ATP8A1: variants seen among roughly 807,000 people sequenced by gnomAD.
The protein encoded by ATP8A1 is phospholipid-transporting ATPase IA.
ATP8A1 carries 90 observed loss-of-function variants against 177.7 expected under a neutral mutation model. That is an observed-to-expected ratio of 0.51 (90% CI 0.43 to 0.60). The LOEUF (loss-of-function observed/expected upper bound fraction) is 0.60, where lower values mean the gene tolerates loss of function less well. Among genes scored for constraint, ATP8A1 ranks in the 20% least tolerant of loss-of-function variants. The pLI is 0.00. For synonymous variants in ATP8A1, 493 were observed against 485.9 expected, an observed-to-expected ratio of 1.01 and a Z score of -0.19; for missense variants, 1,072 against 1,392.8, an observed-to-expected ratio of 0.77 and a Z score of 3.67.
At chr4:42,431,619 C>G (rs1322563940) in intron 33 of ATP8A1, among the ~76,000 whole-genome samples, 3 of 152,066 alleles carry the variant, frequency 2.0e-5, no homozygotes, top group Non-Finnish European at 4.4e-5. Context: ...GAGAAAACTC[C>G]AAAAGTGGCA....
At chr4:42,605,078 T>C (rs1001062479) in intron 5 of ATP8A1, among the ~76,000 whole-genome samples, 2 of 152,214 alleles carry the variant, frequency 1.3e-5, no homozygotes, top group African/African-American at 4.8e-5. Flanking sequence ...GAAAATGTTC[T>C]AGAATTAAGG....
chr4:42,601,753 G>A (rs2109402416), intron 5 of ATP8A1, among the ~76,000 whole-genome samples: 1 of 152,206 alleles, frequency 6.6e-6, no homozygotes, highest in East Asian at 1.9e-4. Flanking sequence ...TACTCAGTAA[G>A]TATTTGCAAA....
At position 42,432,516 on chromosome 4, in the gene ATP8A1, G is replaced by A. The variant is rs532967698; in HGVS notation, c.3124-8811C>T. ...TCCAGGCTGGTGAAATACCATGGTG[G>A]GACACTGCAGAGGTCATAAAGTTGT... On this transcript the variant is annotated intron_variant, in intron 33 of 36. Transcript: ENST00000381668. Among the ~76,000 whole-genome samples the A allele has an allele frequency of 9.9e-5, 15 of 152,232 alleles. No individual in the cohort carries two copies. The South Asian group carries it at 3.1e-3, about 32-fold the overall frequency.
At chr4:42,443,468 A>T in intron 33 of ATP8A1, 97 bp downstream of exon 33, 1 of 605,394 alleles carries the variant, frequency 1.7e-6, no homozygotes, top group Non-Finnish European at 3.0e-6. Flanking sequence ...TTTAATATAA[A>T]TCAACAAGAT....
In ATP8A1 at chr4:42,551,233, T is replaced by C; in HGVS notation, c.1567A>G (p.Thr523Ala). 1.2e-6 allele frequency: 2 copies of C among 1,613,924 alleles called. No homozygotes were observed. Among genetic ancestry groups the C allele is most frequent in the Non-Finnish European group, 1.7e-6 (2 of 1,179,912 alleles). Residue 523 changes from threonine (T) to alanine (A), a missense_variant, in exon 18 of 37, where the codon ACT becomes GCT. By Grantham distance (58) the Thr-to-Ala change is moderately conservative. Around this residue, in one of 5 missense-constraint regions of ATP8A1, gnomAD observed 388 missense variants for 471.7 expected, o/e 0.82. Coordinates refer to ENST00000381668, the MANE Select transcript of ATP8A1 (RefSeq NM_006095.2). ...ATCACCGAGTCGGGTGTTCTTCCAG[T>C]GAAAACAAAATTCAATTGCTTGGCT... The part of the protein sequence containing the change: ...RAAKQLNFVF[T>A]GRTPDSVIID...
chr4:42,423,572 A>C, intron 34 of ATP8A1, 45 bp downstream of exon 34: 1 of 1,323,150 alleles, frequency 7.6e-7, no homozygotes, highest in Non-Finnish European at 1.1e-6. Flanking sequence ...TCTGAGGATG[A>C]ATATGCATCT....
intron 35 of ATP8A1, among the ~76,000 whole-genome samples, chr4:42,421,811 GAAAA>G (rs998230706): frequency 6.6e-6 from 1 of 151,354 alleles, no homozygotes; most frequent in Non-Finnish European, 1.5e-5. Context: ...TAAAAATGAA[GAAAA>G]AAAATAAATT....
At chr4:42,577,473 G>A (rs1321115644) in intron 12 of ATP8A1, among the ~76,000 whole-genome samples, 1 of 151,994 alleles carries the variant, frequency 6.6e-6, no homozygotes, top group Non-Finnish European at 1.5e-5. Flanking sequence ...CCCTAATATT[G>A]TTCATATTGA....
chr4:42,539,397 C>CG (rs1465949548), intron 20 of ATP8A1, among the ~76,000 whole-genome samples: 8 of 76,884 alleles, frequency 1.0e-4, no homozygotes, highest in South Asian at 5.3e-4. Context: ...AATAAAATAC[C>CG]CCCCCCCCAA....
chr4:42,550,725 T>C (rs1364181999), intron 18 of ATP8A1, among the ~76,000 whole-genome samples: 1 of 152,180 alleles, frequency 6.6e-6, no homozygotes, highest in Non-Finnish European at 1.5e-5. Context: ...TGGGTAGGTA[T>C]GTAGTGCCAT....
intron 20 of ATP8A1, among the ~76,000 whole-genome samples, chr4:42,528,057 T>A (rs1726876663): frequency 6.6e-6 from 1 of 152,130 alleles, no homozygotes; most frequent in African/African-American, 2.4e-5. Context: ...GGACCCAAAA[T>A]GTCATTGTGG....
intron 20 of ATP8A1, among the ~76,000 whole-genome samples, chr4:42,541,165 A>C (rs1461181056): frequency 1.3e-5 from 2 of 152,236 alleles, no homozygotes; most frequent in Non-Finnish European, 2.9e-5. Context: ...AATTAAAAAA[A>C]TAAAAAAGTA....
intron 5 of ATP8A1, among the ~76,000 whole-genome samples, chr4:42,602,971 G>C (rs962836833): frequency 7.2e-5 from 11 of 151,902 alleles, no homozygotes; most frequent in African/African-American, 2.7e-4. Context: ...GGAAAAACTG[G>C]TCAATAGTGT....
chr4:42,506,848 G>GTTA (rs1724413178), intron 23 of ATP8A1, among the ~76,000 whole-genome samples, 168 bp downstream of exon 23: 1 of 152,158 alleles, frequency 6.6e-6, no homozygotes, highest in Non-Finnish European at 1.5e-5. Flanking sequence ...TTATCCACAT[G>GTTA]TGCCACTTAT....
At chr4:42,555,501 G>C (rs370085671) in intron 16 of ATP8A1, among the ~76,000 whole-genome samples, 1 of 152,018 alleles carries the variant, frequency 6.6e-6, no homozygotes, top group South Asian at 2.1e-4. Context: ...CAAGTAAAAA[G>C]GATTTGGCAT....
At chr4:42,416,601 A>C (rs1713269572) in intron 35 of ATP8A1, among the ~76,000 whole-genome samples, 1 of 152,186 alleles carries the variant, frequency 6.6e-6, no homozygotes, top group South Asian at 2.1e-4. Flanking sequence ...AGAAAGAAGC[A>C]CATTACTCAG....
Position 42,574,164 on chromosome 4 carries a change from A to G in ATP8A1, c.1295+455T>C, listed in dbSNP as rs73237905. On this transcript the variant is annotated intron_variant, in intron 14 of 36. Transcript: ENST00000381668. ...AGTTTCATGTCTCTACCTCCTTTCC[A>G]TCATCAGAATTTTAGATTGCTCTAT... Among the ~76,000 whole-genome samples the G allele has an allele frequency of 5.6e-3, 860 of 152,250 alleles. 6 individuals carry two copies. The highest frequency in any genetic ancestry group is 0.017 in the Middle Eastern group (5 of 294).
intron 25 of ATP8A1, among the ~76,000 whole-genome samples, chr4:42,482,031 G>A (rs148377398): frequency 2.9e-4 from 44 of 152,252 alleles, no homozygotes; most frequent in African/African-American, 1.0e-3. Context: ...GGCCAGGTGC[G>A]GTGGCTCATG....
rs374208950 is a variant in ATP8A1 at position 42,656,782 on chromosome 4, C to T, written c.49+43G>A. The T allele has an allele frequency of 4.0e-5, 61 of 1,515,508 alleles. 1 individual carries two copies. Among genetic ancestry groups the T allele is most frequent in the African/African-American group, 2.7e-4 (19 of 71,168 alleles). The allele number at this position is 1,515,508 out of a possible 1,614,324, so 93.9% of individuals were successfully genotyped here. The stretch of plus-strand genomic sequence containing the variant: ...ACACACACGCTCACACACACACTCG[C>T]TTCCCGACCCCGGGCTAGCCCCGAG... On this transcript the variant is annotated intron_variant, in intron 1 of 36. Coordinates refer to ENST00000381668, the MANE Select transcript of ATP8A1 (RefSeq NM_006095.2).
Sources: gnomAD v4.1 joint callset for allele counts (sites outside exome capture counted in the v4.1 genomes callset) on GRCh38, gnomAD v4.1.1 for gene constraint, gnomAD v4.1.1 regional missense constraint, MANE v1.5 for transcripts, NCBI Gene and HGNC (gene_info 2026-07-23, HGNC 2026-07-21) for gene names.